Variants in POLR2B observed in about 807,000 individuals in gnomAD.
POLR2B encodes the protein DNA-directed RNA polymerase II subunit RPB2.
POLR2B carries 57 observed loss-of-function variants against 144.6 expected under a neutral mutation model. The ratio of observed to expected loss-of-function variants is 0.39; its 90% CI spans 0.32 to 0.49. POLR2B has a LOEUF of 0.49. Ranked by LOEUF, POLR2B falls within the 20% of genes least tolerant of loss-of-function variation. The pLI is 0.83. For synonymous variants in POLR2B, 442 were observed against 469.8 expected (o/e 0.94, Z 0.77); for missense variants, 595 against 1,467.4 (o/e 0.41, Z 9.71).
intron 23 of POLR2B, 64 bp from the exon 24 acceptor site, chr4:57,030,140 A>G: frequency 7.8e-7 from 1 of 1,287,116 alleles, no homozygotes; most frequent in Non-Finnish European, 1.1e-6. Context: ...CACCTTTGCC[A>G]TTATTCAAGG....
chr4:57,025,051 T>A, intron 22 of POLR2B, 52 bp downstream of exon 22: 1 of 857,950 alleles, frequency 1.2e-6, no homozygotes, highest in Non-Finnish European at 1.9e-6. Flanking sequence ...TTTGTATGTG[T>A]GTAGTTTTAT....
At chr4:57,026,297 C>G (rs1723718114) in intron 23 of POLR2B, among the ~76,000 whole-genome samples, 1 of 151,984 alleles carries the variant, frequency 6.6e-6, no homozygotes, top group Non-Finnish European at 1.5e-5. Context: ...CCAGGCTGGA[C>G]TTGAACTCAT....
chr4:57,026,099 A>C (rs1296859798), intron 23 of POLR2B, among the ~76,000 whole-genome samples: 1 of 152,090 alleles, frequency 6.6e-6, no homozygotes, highest in East Asian at 1.9e-4. Flanking sequence ...TTAGTCGGGC[A>C]TGGTGGCACA....
chr4:57,015,956 G>C (rs1264700706), intron 14 of POLR2B, among the ~76,000 whole-genome samples: 1 of 151,890 alleles, frequency 6.6e-6, no homozygotes, highest in Non-Finnish European at 1.5e-5. Flanking sequence ...ACAGGGTTTC[G>C]CCATGTTGGC....
Position 57,017,205 on chromosome 4 carries a change from C to A in POLR2B, c.2118C>A (p.Val706=). 1 of 1,613,038 alleles carries A rather than the reference C, an allele frequency of 6.2e-7. No homozygotes were observed. The change falls in exon 15 of 25, where the codon GTC becomes GTA. Residue 706 remains valine, a synonymous_variant. Coordinates refer to ENST00000314595, the MANE Select transcript of POLR2B (RefSeq NM_000938.3). This position sits in a 1 kb window ranked among gnomAD's most constrained non-coding sequence, Gnocchi z 4.8. ...TTCATCCCTCAATGATCCTTGGTGTCTGTGCATCTATTATTCCCTTTCCTG... is the reference window on the plus strand; with the variant it reads ...TTCATCCCTCAATGATCCTTGGTGTATGTGCATCTATTATTCCCTTTCCTG... ...CEIHPSMILG[V]CASIIPFPDH... is the part of the protein sequence containing the mutation.
In POLR2B at chr4:57,017,283, A is replaced by G; in HGVS notation, c.2154+42A>G. ...GTCTTCTGGTGTGAGGAATTGGGAG[A>G]AGTAATAAAAATTGAAAGTAACTCT... On this transcript the variant is annotated intron_variant, in intron 15 of 24. Coordinates refer to ENST00000314595, the MANE Select transcript of POLR2B (RefSeq NM_000938.3). This position sits in a 1 kb window ranked among gnomAD's most constrained non-coding sequence, Gnocchi z 4.8. The G allele has an allele frequency of 7.0e-7, 1 of 1,419,634 alleles. No homozygotes were observed. The allele number at this position is 1,419,634 out of a possible 1,614,324, so 87.9% of individuals were successfully genotyped here.
chr4:57,023,965 A>G lies in POLR2B; in HGVS notation c.2857-40A>G, dbSNP rs1211409709. 9.1e-7 allele frequency: 1 copy of G among 1,101,296 alleles called. No homozygotes were observed. Among genetic ancestry groups the G allele is most frequent in the Non-Finnish European group, 1.3e-6 (1 of 748,070 alleles). 68.2% of individuals were successfully genotyped at this position (1,101,296 alleles called of 1,614,324 possible). ...ACTGAAATGTCAGTTCTAGTTTAGT[A>G]TATGTATCTTTGAGTCCCTTTTAAA... On this transcript the variant is annotated intron_variant, in intron 20 of 24. Transcript: ENST00000314595. The surrounding 1 kb of genome is among the most constrained non-coding windows in gnomAD (Gnocchi z 4.3).
At chr4:57,020,853 T>G (rs775202443) in intron 16 of POLR2B, 46 bp from the exon 17 acceptor site, 17 of 1,026,952 alleles carry the variant, frequency 1.7e-5, no homozygotes, top group Non-Finnish European at 2.6e-5. Flanking sequence ...GCAGTTTTTC[T>G]GTTTTCCAGG....
intron 17 of POLR2B, among the ~76,000 whole-genome samples, chr4:57,021,673 G>T (rs1189917785): frequency 2.0e-5 from 3 of 151,728 alleles, no homozygotes; most frequent in Non-Finnish European, 4.4e-5. Context: ...TTGTTGTTTG[G>T]TATTTTTAGT....
intron 1 of POLR2B, among the ~76,000 whole-genome samples, chr4:56,979,824 A>C (rs1722098355): frequency 6.6e-6 from 1 of 150,978 alleles, no homozygotes; most frequent in South Asian, 2.1e-4. Flanking sequence ...GCTTGAGCCC[A>C]GGAGGCGGAG....
chr4:56,995,190 C>G, intron 5 of POLR2B, 61 bp from the exon 6 acceptor site: 1 of 1,255,076 alleles, frequency 8.0e-7, no homozygotes, highest in Non-Finnish European at 1.1e-6. Context: ...AGATTTTACT[C>G]TCTTTTCTCT....
In POLR2B at chr4:57,001,200, C is replaced by T. The variant is rs184794835; in HGVS notation, c.900+1419C>T. 2.1e-3 allele frequency among the ~76,000 whole-genome samples: 324 copies of T among 152,168 alleles called. 2 individuals carry two copies. Among genetic ancestry groups the T allele is most frequent in the African/African-American group, 7.2e-3 (299 of 41,524 alleles). Reference sequence around the variant, plus strand: ...CTTATTTTTTTTGGAGACAAGGTCGCGCTTTGTCGCCCAGGCTGGAGTGCA... The same window carrying T: ...CTTATTTTTTTTGGAGACAAGGTCGTGCTTTGTCGCCCAGGCTGGAGTGCA... On this transcript the variant is annotated intron_variant, in intron 7 of 24. Transcript: ENST00000314595.
chr4:57,003,214 G>A (rs931640387), intron 7 of POLR2B, among the ~76,000 whole-genome samples: 6 of 145,876 alleles, frequency 4.1e-5, no homozygotes, highest in South Asian at 2.2e-4. Flanking sequence ...GGCAGATCAC[G>A]AGGTCAGGAG....
intron 6 of POLR2B, among the ~76,000 whole-genome samples, chr4:56,997,844 A>G (rs1261732677): frequency 6.6e-6 from 1 of 152,210 alleles, no homozygotes; most frequent in African/African-American, 2.4e-5. Context: ...TGCTGACTCA[A>G]TAGTGAGAAT....
Position 57,017,837 on chromosome 4 carries a change from G to A in POLR2B, c.2323+109G>A, listed in dbSNP as rs777725266. ...AATATGACATAGTGCCTGTTCTCAC[G>A]GAATTTATAATATGGTGGGAAACAT... On this transcript the variant is annotated intron_variant, in intron 16 of 24. Transcript: ENST00000314595. The surrounding 1 kb of genome is among the most constrained non-coding windows in gnomAD (Gnocchi z 4.8). 3.0e-6 allele frequency: 2 copies of A among 656,406 alleles called. No individual in the cohort carries two copies. Among genetic ancestry groups the A allele is most frequent in the Non-Finnish European group, 2.5e-6 (1 of 399,702 alleles). 40.7% of individuals were successfully genotyped at this position (656,406 alleles called of 1,614,324 possible).
intron 8 of POLR2B, 32 bp from the exon 9 acceptor site, chr4:57,005,568 C>G: frequency 6.6e-7 from 1 of 1,525,424 alleles, no homozygotes. Context: ...AGTGTTTTCC[C>G]TCTTTCTTTC....
chr4:56,982,606 G>A (rs2948348), intron 1 of POLR2B, among the ~76,000 whole-genome samples: 65,133 of 151,612 alleles, frequency 0.43, 14,303 homozygotes, highest in Admixed American at 0.5. Context: ...AAAAAATTGC[G>A]TCCTTGTAAA....
intron 7 of POLR2B, among the ~76,000 whole-genome samples, chr4:57,004,390 GGA>G (rs1376282682): frequency 5.4e-5 from 8 of 148,832 alleles, no homozygotes; most frequent in Non-Finnish European, 1.0e-4. Context: ...GGTACACGCT[GGA>G]TAAAAATTTA....
At position 56,995,396 on chromosome 4, in the gene POLR2B, C is replaced by CA; in HGVS notation, c.724dup (p.Arg242LysfsTer50). 6.2e-7 allele frequency: 1 copy of CA among 1,608,722 alleles called. No homozygotes were observed. The highest frequency in any genetic ancestry group is 2.2e-5 in the East Asian group (1 of 44,778). ...AGTACTATATGGGTTAGCATGCTGGCAAGAGGAGGACAGGTATGGACTGGA... is the reference window on the plus strand; with the variant it reads ...AGTACTATATGGGTTAGCATGCTGGCAAAGAGGAGGACAGGTATGGACTGGA... On this transcript the variant is annotated frameshift_variant, in exon 6 of 25. Coordinates refer to ENST00000314595, the MANE Select transcript of POLR2B (RefSeq NM_000938.3). LOFTEE classifies it high-confidence loss of function.
Sources: allele counts gnomAD v4.1 joint callset (sites outside exome capture counted in the v4.1 genomes callset), GRCh38; gene constraint gnomAD v4.1.1; non-coding constraint Gnocchi (gnomAD v3.1); transcripts MANE v1.5; gene names NCBI Gene and HGNC (gene_info 2026-07-23, HGNC 2026-07-21).